MMP20: variants seen among roughly 807,000 people sequenced by gnomAD.
MMP20 encodes the protein matrix metallopeptidase 20.
In MMP20, 50 loss-of-function variants were observed where a neutral mutation model predicts 51.8. That is an observed-to-expected ratio of 0.97 (90% CI 0.77 to 1.22). The LOEUF is 1.22. MMP20 is among the 50% of genes most tolerant of loss of function. MMP20 has a pLI of 0.00. For synonymous variants in MMP20, 244 were observed against 216.2 expected (o/e 1.13, Z -1.13); for missense variants, 663 against 601.4 (o/e 1.10, Z -1.07).
At chr11:102,595,203 A>T (rs1206107452) in intron 6 of MMP20, among the ~76,000 whole-genome samples, 3 of 152,182 alleles carry the variant, frequency 2.0e-5, no homozygotes, top group African/African-American at 7.2e-5. Context: ...CTGGGATTAC[A>T]GACATGAATG....
chr11:102,619,486 T>C (rs1257249435), intron 1 of MMP20, among the ~76,000 whole-genome samples: 1 of 152,042 alleles, frequency 6.6e-6, no homozygotes, highest in African/African-American at 2.4e-5. Flanking sequence ...ATCCCAGTCA[T>C]ATCACCAGGG....
chr11:102,598,778 C>G (rs1784408), intron 6 of MMP20, among the ~76,000 whole-genome samples: 45,973 of 151,986 alleles, frequency 0.3, 7,332 homozygotes, highest in South Asian at 0.4. Flanking sequence ...GTTGTTGAGC[C>G]TTAAAGGTCT....
At chr11:102,615,695 C>T (rs529602294) in intron 2 of MMP20, among the ~76,000 whole-genome samples, 3 of 152,168 alleles carry the variant, frequency 2.0e-5, no homozygotes, top group Non-Finnish European at 2.9e-5. Context: ...CTGCTGCAGC[C>T]GCATGCACTA....
intron 6 of MMP20, among the ~76,000 whole-genome samples, chr11:102,599,733 G>C (rs1268655520): frequency 6.6e-6 from 1 of 152,186 alleles, no homozygotes; most frequent in African/African-American, 2.4e-5. Flanking sequence ...TGGCTGAGAA[G>C]CCATTCATTC....
intron 1 of MMP20, among the ~76,000 whole-genome samples, chr11:102,619,643 C>T (rs541932649): frequency 6.6e-6 from 1 of 152,228 alleles, no homozygotes; most frequent in South Asian, 2.1e-4. Context: ...TGCATTCCTG[C>T]TTTGGTTGTC....
At chr11:102,613,261 G>C (rs954602388) in intron 2 of MMP20, among the ~76,000 whole-genome samples, 1 of 152,156 alleles carries the variant, frequency 6.6e-6, no homozygotes, top group Non-Finnish European at 1.5e-5. Context: ...ACAAAGGAAA[G>C]GCAGGGAGGG....
chr11:102,612,374 A>G (rs1859613339), intron 2 of MMP20, among the ~76,000 whole-genome samples: 1 of 152,256 alleles, frequency 6.6e-6, no homozygotes, highest in Non-Finnish European at 1.5e-5. Context: ...CTGAGGCAGA[A>G]GAATCATTTG....
At chr11:102,602,431 C>T (rs1390986362) in intron 6 of MMP20, among the ~76,000 whole-genome samples, 1 of 152,074 alleles carries the variant, frequency 6.6e-6, no homozygotes, top group African/African-American at 2.4e-5. Context: ...TGAACATCCT[C>T]CTCTTTGTGG....
chr11:102,605,531 G>A (rs1859504177), intron 6 of MMP20: 1 of 150,870 alleles, frequency 6.6e-6, no homozygotes, highest in Non-Finnish European at 1.5e-5. Flanking sequence ...GCTCCTCAGG[G>A]AACTCTCTCT....
intron 5 of MMP20, 119 bp downstream of exon 5, chr11:102,608,818 T>G: frequency 9.3e-7 from 1 of 1,071,920 alleles, no homozygotes; most frequent in Non-Finnish European, 1.4e-6. Flanking sequence ...GAAGGCATAG[T>G]TGGGGTTATG....
At chr11:102,592,430 G>A (rs971244030) in intron 8 of MMP20, among the ~76,000 whole-genome samples, 4 of 152,140 alleles carry the variant, frequency 2.6e-5, no homozygotes, top group Non-Finnish European at 5.9e-5. Flanking sequence ...GCTTTCTTAT[G>A]AAATATATTT....
intron 8 of MMP20, 83 bp from the exon 9 acceptor site, chr11:102,579,225 G>A (rs903555627): frequency 4.6e-5 from 38 of 817,402 alleles, no homozygotes; most frequent in Non-Finnish European, 7.6e-5. Flanking sequence ...CAGGCATATG[G>A]ACACATAACT....
intron 8 of MMP20, among the ~76,000 whole-genome samples, chr11:102,591,355 G>C (rs1026377784): frequency 2.6e-5 from 4 of 152,188 alleles, no homozygotes; most frequent in Non-Finnish European, 4.4e-5. Context: ...ATTTAAAAAG[G>C]AAATTCCCTT....
At chr11:102,581,373 T>C (rs184120069) in intron 8 of MMP20, among the ~76,000 whole-genome samples, 8 of 152,160 alleles carry the variant, frequency 5.3e-5, no homozygotes, top group Admixed American at 1.3e-4. Flanking sequence ...TACAAGATAA[T>C]ATTTGCGGTG....
At chr11:102,613,892 C>T (rs1456110594) in intron 2 of MMP20, among the ~76,000 whole-genome samples, 3 of 152,138 alleles carry the variant, frequency 2.0e-5, no homozygotes, top group Admixed American at 6.5e-5. Flanking sequence ...GACATGCCCT[C>T]GCATTTTTGG....
At chr11:102,614,502 C>G (rs1054532399) in intron 2 of MMP20, among the ~76,000 whole-genome samples, 1 of 152,210 alleles carries the variant, frequency 6.6e-6, no homozygotes, top group Non-Finnish European at 1.5e-5. Context: ...TAGTCATGGA[C>G]TAAAATTCCA....
chr11:102,599,134 T>C lies in MMP20; in HGVS notation c.954-4377A>G, dbSNP rs544155081. 2.8e-4 allele frequency among the ~76,000 whole-genome samples: 43 copies of C among 151,586 alleles called. 1 individual carries two copies. The highest frequency in any genetic ancestry group is 2.3e-3 in the Admixed American group (35 of 15,194). On this transcript the variant is annotated intron_variant, in intron 6 of 9. Transcript: ENST00000260228. Reference sequence around the variant, plus strand: ...TTCAAACGATTCTCCTGCCTCAGCCTCCCAAGTAGCAGGGACTACAAGCAC... The same window carrying C: ...TTCAAACGATTCTCCTGCCTCAGCCCCCCAAGTAGCAGGGACTACAAGCAC...
intron 8 of MMP20, among the ~76,000 whole-genome samples, chr11:102,579,911 C>T (rs140378168): frequency 6.6e-6 from 1 of 152,282 alleles, no homozygotes; most frequent in East Asian, 1.9e-4. Flanking sequence ...TCATTGAAAG[C>T]CTTTCATAGG....
intron 5 of MMP20, 104 bp from the exon 6 acceptor site, chr11:102,606,780 G>T: frequency 7.3e-7 from 1 of 1,361,252 alleles, no homozygotes; most frequent in African/African-American, 1.4e-5. Flanking sequence ...CGCTGGACAT[G>T]TGATCATGAT....
Sources: gnomAD v4.1 joint callset for allele counts (sites outside exome capture counted in the v4.1 genomes callset) on GRCh38, gnomAD v4.1.1 for gene constraint, MANE v1.5 for transcripts, NCBI Gene and HGNC (gene_info 2026-07-23, HGNC 2026-07-21) for gene names.